The following FHIT variants were observed in gnomAD, a reference collection of about 807,000 sequenced individuals.
The protein encoded by FHIT is fragile histidine triad diadenosine triphosphatase.
Under a neutral mutation model 17.9 loss-of-function variants are expected in FHIT, and 19 were observed. The ratio of observed to expected loss-of-function variants is 1.06; its 90% CI spans 0.74 to 1.56. FHIT has a LOEUF of 1.56. FHIT is among the 40% of genes most tolerant of loss of function. FHIT has a pLI of 0.00. For missense variants in FHIT, 248 were observed against 189.2 expected, an observed-to-expected ratio of 1.31 and a Z score of -1.82; for synonymous variants, 81 against 69.7, an observed-to-expected ratio of 1.16 and a Z score of -0.81.
At chr3:60,291,654 G>C (rs113366867) in intron 5 of FHIT, among the ~76,000 whole-genome samples, 1 of 152,084 alleles carries the variant, frequency 6.6e-6, no homozygotes, top group Non-Finnish European at 1.5e-5. Flanking sequence ...AGAAAATTCT[G>C]CTGAGAACTC....
intron 8 of FHIT, among the ~76,000 whole-genome samples, chr3:59,763,859 TGGA>T (rs1038972228): frequency 4.9e-4 from 75 of 152,122 alleles, no homozygotes; most frequent in African/African-American, 1.7e-3. Context: ...GAAGATGAGG[TGGA>T]GAAGTGGGAA....
At chr3:60,468,855 C>T (rs747201234) in intron 5 of FHIT, among the ~76,000 whole-genome samples, 13 of 152,160 alleles carry the variant, frequency 8.5e-5, no homozygotes, top group Non-Finnish European at 1.6e-4. Flanking sequence ...GCATTTCTTG[C>T]AGGATAGTTC....
chr3:60,807,002 A>G (rs574349498), intron 4 of FHIT, among the ~76,000 whole-genome samples: 30 of 152,336 alleles, frequency 2.0e-4, no homozygotes, highest in African/African-American at 7.2e-4. Context: ...TGTCTGAAAT[A>G]ATAAAGAGGA....
intron 5 of FHIT, among the ~76,000 whole-genome samples, chr3:60,196,689 A>G (rs1702655298): frequency 6.6e-6 from 1 of 152,144 alleles, no homozygotes; most frequent in South Asian, 2.1e-4. Flanking sequence ...TAACATACAT[A>G]CATACATATA....
intron 5 of FHIT, among the ~76,000 whole-genome samples, chr3:60,304,513 C>A (rs1260658986): frequency 6.6e-6 from 1 of 151,908 alleles, no homozygotes; most frequent in African/African-American, 2.4e-5. Flanking sequence ...CACATTTACT[C>A]CTATTTTACA....
At chr3:60,287,490 C>T (rs1227551186) in intron 5 of FHIT, among the ~76,000 whole-genome samples, 1 of 152,182 alleles carries the variant, frequency 6.6e-6, no homozygotes, top group East Asian at 1.9e-4. Flanking sequence ...CTACTTCTGA[C>T]ATTAGACTGC....
chr3:59,964,971 A>C (rs1018404025), intron 7 of FHIT, among the ~76,000 whole-genome samples: 3 of 152,154 alleles, frequency 2.0e-5, no homozygotes, highest in African/African-American at 7.2e-5. Context: ...ACATTAGGAG[A>C]AAATCTATTA....
rs568228216 is a variant in FHIT at position 60,766,726 on chromosome 3, A to C, written c.-18+55193T>G. 8.5e-5 allele frequency among the ~76,000 whole-genome samples: 13 copies of C among 152,312 alleles called. 1 individual carries two copies. The highest frequency in any genetic ancestry group is 5.9e-4 in the Admixed American group (9 of 15,304). On this transcript the variant is annotated intron_variant, in intron 4 of 9. Coordinates refer to ENST00000492590, the MANE Select transcript of FHIT (RefSeq NM_002012.4). ...CCTACAACACTGAGATGATGATAGG[A>C]ACTACAGTTGAAAACAGATCTTTCT... is the stretch of plus-strand genomic sequence containing the variant.
At chr3:60,706,104 G>A (rs1297214572) in intron 4 of FHIT, among the ~76,000 whole-genome samples, 1 of 152,088 alleles carries the variant, frequency 6.6e-6, no homozygotes, top group East Asian at 1.9e-4. Flanking sequence ...CTACATGGAT[G>A]AAGCTGGAAG....
intron 3 of FHIT, among the ~76,000 whole-genome samples, chr3:60,917,216 T>C (rs1306546349): frequency 1.3e-5 from 2 of 152,150 alleles, no homozygotes; most frequent in African/African-American, 4.8e-5. Flanking sequence ...TAGTAGTAAA[T>C]AAATTAGAAG....
Position 59,807,356 on chromosome 3 carries a change from AGCATAGCAGGGAT to A in FHIT, c.349-55048_349-55036del, listed in dbSNP as rs1317877619. 5.3e-5 allele frequency among the ~76,000 whole-genome samples: 8 copies of A among 152,276 alleles called. No individual in the cohort carries two copies. The East Asian group carries it at 1.5e-3, about 29-fold the overall frequency. On this transcript the variant is annotated intron_variant, in intron 8 of 9. Transcript: ENST00000492590. ...AACTTCCAGCTCAGTGGGTATTAGT[AGCATAGCAGGGAT>A]GCCAAACAGGAACACACTATGGGGT...
intron 4 of FHIT, among the ~76,000 whole-genome samples, chr3:60,562,669 T>C (rs2107646708): frequency 6.6e-6 from 1 of 152,304 alleles, no homozygotes; most frequent in East Asian, 1.9e-4. Context: ...TTGTTAGGAA[T>C]GCAAATTCTC....
chr3:60,894,116 G>GTTGCTT (rs1278819432), intron 3 of FHIT, among the ~76,000 whole-genome samples: 1 of 152,100 alleles, frequency 6.6e-6, no homozygotes, highest in East Asian at 1.9e-4. Flanking sequence ...GGGGATGGGG[G>GTTGCTT]TTGCTTTTGT....
intron 2 of FHIT, among the ~76,000 whole-genome samples, chr3:61,122,535 C>T (rs972089868): frequency 6.6e-6 from 1 of 152,166 alleles, no homozygotes; most frequent in African/African-American, 2.4e-5. Flanking sequence ...AGCTTCTGCA[C>T]AGCAAAAGAA....
At chr3:60,985,771 T>G (rs1295436165) in intron 3 of FHIT, among the ~76,000 whole-genome samples, 2 of 152,230 alleles carry the variant, frequency 1.3e-5, no homozygotes, top group African/African-American at 4.8e-5. Flanking sequence ...TGTAACAAAT[T>G]ACCACAAACT....
chr3:60,298,287 A>C (rs2106696151), intron 5 of FHIT, among the ~76,000 whole-genome samples: 1 of 152,168 alleles, frequency 6.6e-6, no homozygotes, highest in East Asian at 1.9e-4. Flanking sequence ...GATAAGGCTC[A>C]AAGTTCTGAT....
intron 3 of FHIT, among the ~76,000 whole-genome samples, chr3:61,021,472 G>A (rs1445422296): frequency 2.3e-4 from 33 of 143,434 alleles, no homozygotes; most frequent in African/African-American, 6.9e-4. Context: ...AGCGGCGGGC[G>A]CCTGTAGTCC....
intron 5 of FHIT, among the ~76,000 whole-genome samples, chr3:60,293,284 T>C (rs999376160): frequency 6.6e-6 from 1 of 152,150 alleles, no homozygotes; most frequent in African/African-American, 2.4e-5. Context: ...TCTGTGCCCA[T>C]AGTAATAGAT....
In FHIT at chr3:59,920,988, A is replaced by G. The variant is rs186675704; in HGVS notation, c.348+1358T>C. Among the ~76,000 whole-genome samples the G allele has an allele frequency of 3.2e-3, 484 of 152,280 alleles. 1 individual carries two copies. Among genetic ancestry groups the G allele is most frequent in the Middle Eastern group, 0.014 (4 of 294 alleles). ...TCCTGAGTGCTGTGCAATCTACTTG[A>G]TCAGAATCTCCAGCGACGGGACCTC... On this transcript the variant is annotated intron_variant, in intron 8 of 9. Coordinates refer to ENST00000492590, the MANE Select transcript of FHIT (RefSeq NM_002012.4).
Sources: allele counts gnomAD v4.1 joint callset (sites outside exome capture counted in the v4.1 genomes callset), GRCh38; gene constraint gnomAD v4.1.1; transcripts MANE v1.5; gene names NCBI Gene and HGNC (gene_info 2026-07-23, HGNC 2026-07-21).